The following ZCCHC14 variants were observed in gnomAD, a reference collection of about 807,000 sequenced individuals.
ZCCHC14 encodes zinc finger CCHC-type containing 14, also known as zinc finger CCHC domain-containing protein 14.
ZCCHC14 carries 16 observed loss-of-function variants against 85.0 expected under a neutral mutation model. The ratio of observed to expected loss-of-function variants is 0.19; its 90% confidence interval spans 0.13 to 0.29. ZCCHC14 has a LOEUF of 0.29. Among genes scored for constraint, ZCCHC14 ranks in the 10% least tolerant of loss-of-function variants. ZCCHC14 has a pLI of 1.00. For missense variants in ZCCHC14, 1,303 were observed against 1,443.5 expected, an observed-to-expected ratio of 0.90 and a Z score of 1.58; for synonymous variants, 775 against 630.7, an observed-to-expected ratio of 1.23 and a Z score of -3.43.
chr16:87,459,958 C>A, intron 2 of ZCCHC14, 50 bp downstream of exon 2: 1 of 1,612,396 alleles, frequency 6.2e-7, no homozygotes. Context: ...CTGGGGTGTG[C>A]CCATCCTCCG....
At chr16:87,424,924 T>C (rs1909290538) in intron 3 of ZCCHC14, among the ~76,000 whole-genome samples, 1 of 152,076 alleles carries the variant, frequency 6.6e-6, no homozygotes, top group South Asian at 2.1e-4. Context: ...AAATACATTA[T>C]GCAAAAGAAA....
chr16:87,434,790 G>C lies in ZCCHC14; in HGVS notation c.695-1589C>G, dbSNP rs974046573. 9.2e-5 allele frequency among the ~76,000 whole-genome samples: 14 copies of C among 152,238 alleles called. No homozygotes were observed. In the East Asian group the frequency reaches 1.2e-3, roughly 13 times the overall value. On this transcript the variant is annotated intron_variant, in intron 2 of 12. Coordinates refer to ENST00000671377, the MANE Select transcript of ZCCHC14 (RefSeq NM_015144.3). Reference sequence around the variant, plus strand: ...GCAAATCACAAGGTCAGGAGTTCGAGAGCAGCCTGGCCAACATGGTGAATC... The same window carrying C: ...GCAAATCACAAGGTCAGGAGTTCGACAGCAGCCTGGCCAACATGGTGAATC...
chr16:87,425,193 C>T (rs1453591932), intron 3 of ZCCHC14, among the ~76,000 whole-genome samples: 1 of 152,162 alleles, frequency 6.6e-6, no homozygotes, highest in African/African-American at 2.4e-5. Flanking sequence ...CCAGTGCCTA[C>T]CAGAATTCAT....
chr16:87,413,499 C>A (rs952346800), intron 10 of ZCCHC14, among the ~76,000 whole-genome samples: 1 of 152,142 alleles, frequency 6.6e-6, no homozygotes, highest in Non-Finnish European at 1.5e-5. Context: ...CTACACCGCA[C>A]CCCATCTCAC....
In ZCCHC14 at chr16:87,410,066, C is replaced by T. The variant is rs1449720729; in HGVS notation, c.*214G>A. The T allele has an allele frequency of 2.3e-6, 1 of 440,200 alleles. No individual in the cohort carries two copies. The allele number at this position is 440,200 out of a possible 1,614,324, so 27.3% of individuals were successfully genotyped here. A position where few individuals can be genotyped will look rare whatever the true frequency, so the allele number is the denominator to read the frequency against. On this transcript the variant is annotated 3_prime_UTR_variant, in exon 13 of 13. Transcript: ENST00000671377. ...ATCTCACCAGCCACAGAGATGCCCA[C>T]TAGGCGAGTTCTGACACCAAGCTCC...
At chr16:87,460,494 A>T (rs1459157935) in intron 1 of ZCCHC14, among the ~76,000 whole-genome samples, 3 of 152,194 alleles carry the variant, frequency 2.0e-5, no homozygotes, top group Non-Finnish European at 2.9e-5. Context: ...GTTCAAGACC[A>T]GCCTGGCCAA....
chr16:87,419,890 C>G lies in ZCCHC14; in HGVS notation c.951-13G>C. 6.3e-7 allele frequency: 1 copy of G among 1,595,078 alleles called. No individual in the cohort carries two copies. Among genetic ancestry groups the G allele is most frequent in the East Asian group, 2.2e-5 (1 of 44,686 alleles). ...TGAGGCCAGGTACCTAAAAGGCAAA[C>G]AAGTGGTCTTATCAACATTAAAATG... On this transcript the variant is annotated splice_polypyrimidine_tract_variant and intron_variant, in intron 5 of 12. Transcript: ENST00000671377.
chr16:87,421,154 G>A (rs1023858520), intron 4 of ZCCHC14, among the ~76,000 whole-genome samples: 2 of 152,226 alleles, frequency 1.3e-5, no homozygotes, highest in African/African-American at 4.8e-5. Context: ...GGGGCAAGTG[G>A]GCCCTTCTTT....
intron 2 of ZCCHC14, among the ~76,000 whole-genome samples, chr16:87,439,114 G>T (rs1202894097): frequency 1.3e-5 from 2 of 151,822 alleles, no homozygotes; most frequent in African/African-American, 4.8e-5. Context: ...AAAAGGCCTG[G>T]GAGGACGACC....
At chr16:87,460,714 T>C (rs1229272224) in intron 1 of ZCCHC14, among the ~76,000 whole-genome samples, 1 of 152,134 alleles carries the variant, frequency 6.6e-6, no homozygotes, top group Non-Finnish European at 1.5e-5. Flanking sequence ...GGAACTATGT[T>C]AGCCAAGGTG....
chr16:87,425,732 A>T (rs994257912), intron 3 of ZCCHC14, among the ~76,000 whole-genome samples: 14 of 152,138 alleles, frequency 9.2e-5, no homozygotes, highest in Admixed American at 2.0e-4. Context: ...CCACCAACAG[A>T]CACAAACCCC....
chr16:87,471,981 G>C (rs1011276381), intron 1 of ZCCHC14: 2 of 152,120 alleles, frequency 1.3e-5, no homozygotes, highest in Non-Finnish European at 1.5e-5. Context: ...ACTGCTGACC[G>C]GGCTCTGACC....
chr16:87,454,637 G>A (rs1451864423), intron 2 of ZCCHC14, among the ~76,000 whole-genome samples: 1 of 152,232 alleles, frequency 6.6e-6, no homozygotes, highest in Non-Finnish European at 1.5e-5. Context: ...TCAGGCTGAC[G>A]GGAAATGAGA....
Position 87,412,713 on chromosome 16 carries a change from G to C in ZCCHC14, c.2008C>G (p.Leu670Val), listed in dbSNP as rs1270229849. ...TTATTCCTTTCTTCTAGAGACAAAA[G>C]TGAGTGCACAGAAGACGAGAGGAGC... Reference protein sequence around the residue: ...MKLLSSSVHSLLSLEERNKGS... With the variant: ...MKLLSSSVHSVLSLEERNKGS... The change falls in exon 12 of 13, where the codon CTT becomes GTT. Residue 670 changes from leucine to valine, a missense_variant. Coordinates refer to ENST00000671377, the MANE Select transcript of ZCCHC14 (RefSeq NM_015144.3). The C allele has an allele frequency of 1.2e-6, 2 of 1,614,200 alleles. No homozygotes were observed. Among genetic ancestry groups the C allele is most frequent in the Non-Finnish European group, 1.7e-6 (2 of 1,180,032 alleles).
chr16:87,491,442 G>T lies in ZCCHC14; in HGVS notation c.570+227C>A, dbSNP rs1912763499. 6.6e-6 allele frequency among the ~76,000 whole-genome samples: 1 copy of T among 151,226 alleles called. No homozygotes were observed. Among genetic ancestry groups the T allele is most frequent in the South Asian group, 2.1e-4 (1 of 4,822 alleles). On this transcript the variant is annotated intron_variant, in intron 1 of 12. Transcript: ENST00000671377. The surrounding 1 kb of genome is among the most constrained non-coding windows in gnomAD (Gnocchi z 5.9). Reference sequence around the variant, plus strand: ...ACGGCGGAGGCTTGGGATGTACGGTGGAGGCTTGGAGAGGTGGGGCACACA... The same window carrying T: ...ACGGCGGAGGCTTGGGATGTACGGTTGAGGCTTGGAGAGGTGGGGCACACA...
chr16:87,480,865 G>C (rs1358464581), intron 1 of ZCCHC14, among the ~76,000 whole-genome samples: 1 of 152,210 alleles, frequency 6.6e-6, no homozygotes, highest in Non-Finnish European at 1.5e-5. Context: ...TCCAGTCTAA[G>C]AGAACAGCCT....
Position 87,492,404 on chromosome 16 carries a change from G to A in ZCCHC14, c.-166C>T, listed in dbSNP as rs1384125512. Among the ~76,000 whole-genome samples, 1 of 144,804 alleles carries A rather than the reference G, an allele frequency of 6.9e-6. No homozygotes were observed. The allele number at this position is 144,804 out of a possible 152,430, so 95.0% of individuals were successfully genotyped here. The stretch of plus-strand genomic sequence containing the variant: ...CGCGGGCCGGGCGGGCGCCGGGGCG[G>A]GGGCGGGGACCGGGGCCGGGCAAGG... On this transcript the variant is annotated 5_prime_UTR_variant, in exon 1 of 13. Coordinates refer to ENST00000671377, the MANE Select transcript of ZCCHC14 (RefSeq NM_015144.3). The surrounding 1 kb of genome is among the most constrained non-coding windows in gnomAD (Gnocchi z 6.7).
chr16:87,473,014 C>A (rs1403007189), intron 1 of ZCCHC14: 1 of 152,094 alleles, frequency 6.6e-6, no homozygotes, highest in Non-Finnish European at 1.5e-5. Flanking sequence ...CCACTGCACC[C>A]AGTGTAAGAA....
chr16:87,423,603 G>A (rs926366398), intron 4 of ZCCHC14, among the ~76,000 whole-genome samples: 1 of 152,168 alleles, frequency 6.6e-6, no homozygotes, highest in African/African-American at 2.4e-5. Flanking sequence ...AGTGAAGGAG[G>A]CATCCGCGGG....
Sources: gnomAD v4.1 joint callset for allele counts (sites outside exome capture counted in the v4.1 genomes callset) on GRCh38, gnomAD v4.1.1 for gene constraint, Gnocchi (gnomAD v3.1) non-coding constraint, MANE v1.5 for transcripts, NCBI Gene and HGNC (gene_info 2026-07-23, HGNC 2026-07-21) for gene names.